Variants in TTI1 observed in about 807,000 individuals in gnomAD.
TTI1 encodes the protein TELO2-interacting protein 1 homolog.
Under a neutral mutation model 85.4 loss-of-function variants are expected in TTI1, and 52 were observed. The ratio of observed to expected loss-of-function variants is 0.61; its 90% CI spans 0.49 to 0.77. TTI1 has a LOEUF of 0.77. Among genes scored for constraint, TTI1 ranks in the 30% least tolerant of loss-of-function variants. The probability of loss-of-function intolerance (pLI) is 0.00; values close to 1 mark genes in which losing one functional copy is unlikely to be tolerated. For synonymous variants in TTI1, 512 were observed against 503.9 expected, an observed-to-expected ratio of 1.02 and a Z score of -0.22; for missense variants, 1,173 against 1,296.0, an observed-to-expected ratio of 0.91 and a Z score of 1.46.
At chr20:38,005,629 G>A (rs989404809) in intron 3 of TTI1, among the ~76,000 whole-genome samples, 1 of 152,114 alleles carries the variant, frequency 6.6e-6, no homozygotes, top group Non-Finnish European at 1.5e-5. Flanking sequence ...GCCAATGTTG[G>A]TAAGGCTGTG....
intron 1 of TTI1, among the ~76,000 whole-genome samples, chr20:38,027,717 GA>G (rs1297507823): frequency 1.3e-5 from 2 of 152,180 alleles, no homozygotes; most frequent in Non-Finnish European, 2.9e-5. Flanking sequence ...CCGACGTCAG[GA>G]GTTCAAGACC....
rs1015223234 is a variant in TTI1 at position 38,020,475 on chromosome 20, G to A, written c.-41-6618C>T. Among the ~76,000 whole-genome samples the A allele has an allele frequency of 2.7e-5, 4 of 149,970 alleles. No homozygotes were observed. In the East Asian group the frequency reaches 7.8e-4, roughly 29 times the overall value. On this transcript the variant is annotated intron_variant, in intron 1 of 7. Transcript: ENST00000373447. ...GAGTAGGCAAAGATTTCTTAAATAG[G>A]ACACAAAAAGAAAAAAACTGATAAA...
At chr20:38,020,326 ATATAT>A (rs1568629113) in intron 1 of TTI1, among the ~76,000 whole-genome samples, 1,545 of 77,492 alleles carry the variant, frequency 0.02, 87 homozygotes, top group African/African-American at 0.075. Flanking sequence ...AAAAAAAAAT[ATATAT>A]ATATATATAT....
chr20:38,012,993 C>A lies in TTI1; in HGVS notation c.824G>T (p.Arg275Met). ...EHRVAELMVY[R>M]EADWVKKTGD... ...AGTCTTTTTTACCCAATCTGCTTCC[C>A]TGTAAACCATCAGCTCTGCTACTCT... The change falls in exon 2 of 8, where the codon AGG (arginine) becomes ATG (methionine). Residue 275 changes from arginine to methionine, a missense_variant. Transcript: ENST00000373447. The A allele has an allele frequency of 6.2e-7, 1 of 1,614,028 alleles. No homozygotes were observed. Among genetic ancestry groups the A allele is most frequent in the Non-Finnish European group, 8.5e-7 (1 of 1,180,024 alleles).
chr20:38,033,077 C>T (rs1228444440), intron 1 of TTI1, among the ~76,000 whole-genome samples: 3 of 152,134 alleles, frequency 2.0e-5, no homozygotes, highest in Admixed American at 2.0e-4. Context: ...CAAAACAGGA[C>T]ATTAAAGGGT....
intron 2 of TTI1, 92 bp from the exon 3 acceptor site, chr20:38,006,489 C>G: frequency 7.2e-7 from 1 of 1,390,972 alleles, no homozygotes; most frequent in Non-Finnish European, 1.0e-6. Flanking sequence ...CTGGCCTGCA[C>G]AGCCCCCACA....
intron 7 of TTI1, among the ~76,000 whole-genome samples, chr20:37,991,458 C>T (rs1266500018): frequency 1.3e-5 from 2 of 152,200 alleles, no homozygotes; most frequent in East Asian, 1.9e-4. Flanking sequence ...GGTCTGTGTT[C>T]GTCCAGGGTT....
chr20:38,013,357 CA>C lies in TTI1; in HGVS notation c.459del (p.Phe153LeufsTer7). ...YEPSILPRLG[F>X]AVSLLLGLAE... is the part of the protein sequence containing the mutation. The stretch of plus-strand genomic sequence containing the variant: ...GCAAGGCCTAACAGTAAAGATACAG[CA>C]AATCCTAAACGTGGCAGAATGGAGG... On this transcript the variant is annotated frameshift_variant, in exon 2 of 8. Transcript: ENST00000373447. LOFTEE classifies it high-confidence loss of function. The C allele has an allele frequency of 1.9e-6, 3 of 1,614,078 alleles. No individual in the cohort carries two copies. The South Asian group carries it at 3.3e-5, about 18-fold the overall frequency.
intron 1 of TTI1, among the ~76,000 whole-genome samples, chr20:38,017,645 T>C (rs1274520690): frequency 1.3e-5 from 2 of 152,144 alleles, no homozygotes; most frequent in African/African-American, 2.4e-5. Context: ...GACAACCCAG[T>C]AGAGATTTTG....
At chr20:37,995,122 C>G (rs998836465) in intron 7 of TTI1, among the ~76,000 whole-genome samples, 9 of 152,242 alleles carry the variant, frequency 5.9e-5, no homozygotes, top group Admixed American at 5.2e-4. Flanking sequence ...TATTTTCACC[C>G]TAAATTGATT....
intron 6 of TTI1, 98 bp from the exon 7 acceptor site, chr20:37,996,560 G>T: frequency 6.8e-7 from 1 of 1,471,570 alleles, no homozygotes; most frequent in Non-Finnish European, 9.4e-7. Flanking sequence ...AGCTAGGCAA[G>T]ATGCTCTGGG....
chr20:38,008,833 T>C (rs947049532), intron 2 of TTI1, among the ~76,000 whole-genome samples: 13 of 152,206 alleles, frequency 8.5e-5, no homozygotes, highest in Non-Finnish European at 1.9e-4. Context: ...TACTACTTCC[T>C]GTTCAAAAAG....
In TTI1 at chr20:37,987,902, T is replaced by A. The variant is rs150339195; in HGVS notation, c.3087-4263A>T. On this transcript the variant is annotated intron_variant, in intron 7 of 7. Transcript: ENST00000373447. Reference sequence around the variant, plus strand: ...CCAGAAGTGGCTCCTTCCTTCGTGATCAGTATGGGGGTGCCCCTAGTGAGC... The same window carrying A: ...CCAGAAGTGGCTCCTTCCTTCGTGAACAGTATGGGGGTGCCCCTAGTGAGC... Among the ~76,000 whole-genome samples, 9 of 152,242 alleles carry A rather than the reference T, an allele frequency of 5.9e-5. No homozygotes were observed. The East Asian group carries it at 1.7e-3, about 29-fold the overall frequency.
chr20:37,996,300 A>C (rs1243507370), intron 7 of TTI1, 75 bp downstream of exon 7: 2 of 1,486,470 alleles, frequency 1.3e-6, no homozygotes, highest in Non-Finnish European at 1.9e-6. Flanking sequence ...AGATGCCTCA[A>C]CTCTGCTTGC....
At chr20:38,028,446 A>G (rs1381046715) in intron 1 of TTI1, among the ~76,000 whole-genome samples, 1 of 152,258 alleles carries the variant, frequency 6.6e-6, no homozygotes, top group Non-Finnish European at 1.5e-5. Context: ...AGTACAATGA[A>G]TAACAGGTAT....
Position 38,012,524 on chromosome 20 carries a change from T to A in TTI1, c.1293A>T (p.Ala431=), listed in dbSNP as rs755313483. Residue 431 remains alanine (A), a synonymous_variant, in exon 2 of 8, where the codon GCA becomes GCT. Transcript: ENST00000373447. The part of the protein sequence containing the change: ...SVAHLQRLSK[A]LIQVLELDVA... ...CGTCTAGCTCTAGAACTTGGATGAG[T>A]GCTTTGGAAAGCCGCTGGAGATGGG... is the stretch of plus-strand genomic sequence containing the variant. 1.9e-6 allele frequency: 3 copies of A among 1,614,180 alleles called. No homozygotes were observed. In the East Asian group the frequency reaches 6.7e-5, roughly 36 times the overall value.
At chr20:38,014,181 A>C (rs2073647501) in intron 1 of TTI1, among the ~76,000 whole-genome samples, 2 of 152,180 alleles carry the variant, frequency 1.3e-5, no homozygotes, top group Non-Finnish European at 2.9e-5. Flanking sequence ...TCTGTGGACT[A>C]TTTTCAGGAG....
At position 38,012,709 on chromosome 20, in the gene TTI1, G is replaced by A; in HGVS notation, c.1108C>T (p.Leu370Phe). 1 of 1,614,200 alleles carries A rather than the reference G, an allele frequency of 6.2e-7. No individual in the cohort carries two copies. ...DQKVVVGNKA[L>F]ADILSESLHS... is the part of the protein sequence containing the mutation. ...AGGCTTTCTGACAAGATGTCAGCGA[G>A]GGCTTTGTTGCCCACCACTACTTTT... Residue 370 changes from leucine (L) to phenylalanine (F), a missense_variant, in exon 2 of 8, where the codon CTC (leucine) becomes TTC (phenylalanine). Transcript: ENST00000373447.
chr20:38,028,889 T>C (rs1366844810), intron 1 of TTI1, among the ~76,000 whole-genome samples: 4 of 152,142 alleles, frequency 2.6e-5, no homozygotes, highest in African/African-American at 9.7e-5. Context: ...TTGTATTTTT[T>C]AAAGACCGAG....
Sources: allele counts gnomAD v4.1 joint callset (sites outside exome capture counted in the v4.1 genomes callset), GRCh38; gene constraint gnomAD v4.1.1; transcripts MANE v1.5; gene names NCBI Gene and HGNC (gene_info 2026-07-23, HGNC 2026-07-21).